The following JPH3 variants were observed in gnomAD, a reference collection of about 807,000 sequenced individuals.
The protein encoded by JPH3 is junctophilin 3, also known as junctophilin-3.
A neutral mutation model predicts 59.6 loss-of-function variants in JPH3; 11 were observed. The observed-to-expected ratio is 0.18, with a 90% CI of 0.12 to 0.31. JPH3 has a LOEUF of 0.31. Ranked by LOEUF, JPH3 falls within the 10% of genes least tolerant of loss-of-function variation. The pLI is 1.00. For synonymous variants in JPH3, 673 were observed against 483.6 expected (o/e 1.39, Z -5.14); for missense variants, 1,202 against 1,105.7 (o/e 1.09, Z -1.24).
chr16:87,674,845 C>G (rs1305931264), intron 2 of JPH3, among the ~76,000 whole-genome samples: 1 of 152,176 alleles, frequency 6.6e-6, no homozygotes, highest in African/African-American at 2.4e-5. Flanking sequence ...GCTGCAACCT[C>G]TGCCTCTTGG....
At chr16:87,656,532 G>A (rs796282964) in intron 2 of JPH3, among the ~76,000 whole-genome samples, 16 of 152,304 alleles carry the variant, frequency 1.1e-4, no homozygotes, top group African/African-American at 2.9e-4. Context: ...GCTCAGGGCC[G>A]GGCCCAGTTT....
At position 87,660,802 on chromosome 16, in the gene JPH3, G is replaced by A. The variant is rs537410664; in HGVS notation, c.1160+15767G>A. Among the ~76,000 whole-genome samples, 353 of 152,300 alleles carry A rather than the reference G, an allele frequency of 2.3e-3. 2 individuals carry two copies. The highest frequency in any genetic ancestry group is 3.7e-3 in the Non-Finnish European group (255 of 68,032). Reference sequence around the variant, plus strand: ...CTTGGGCCATCCATATAAGGCTGGAGACAAACAGCTCCACCCAGTTATGGG... The same window carrying A: ...CTTGGGCCATCCATATAAGGCTGGAAACAAACAGCTCCACCCAGTTATGGG... On this transcript the variant is annotated intron_variant, in intron 2 of 4. Coordinates refer to ENST00000284262, the MANE Select transcript of JPH3 (RefSeq NM_020655.4).
intron 1 of JPH3, among the ~76,000 whole-genome samples, chr16:87,639,627 C>T (rs372098589): frequency 1.3e-5 from 2 of 150,694 alleles, no homozygotes; most frequent in African/African-American, 2.5e-5. Flanking sequence ...CTCCTGGCCT[C>T]CCTCCTGGCC....
intron 2 of JPH3, among the ~76,000 whole-genome samples, chr16:87,678,062 G>T (rs1021736779): frequency 3.3e-5 from 5 of 151,696 alleles, no homozygotes; most frequent in African/African-American, 1.2e-4. Flanking sequence ...AATCAGCCTG[G>T]GCAACATAGT....
intron 2 of JPH3, among the ~76,000 whole-genome samples, chr16:87,671,385 C>A (rs1177885589): frequency 6.6e-6 from 1 of 152,190 alleles, no homozygotes; most frequent in Non-Finnish European, 1.5e-5. Context: ...GCTGGGCACT[C>A]CACCCACCCC....
chr16:87,671,143 C>G (rs1036577146), intron 2 of JPH3, among the ~76,000 whole-genome samples: 8 of 152,146 alleles, frequency 5.3e-5, no homozygotes, highest in Non-Finnish European at 7.4e-5. Flanking sequence ...GTTAGGGAGT[C>G]CAGCGAGACA....
intron 2 of JPH3, among the ~76,000 whole-genome samples, chr16:87,675,670 A>T (rs964819448): frequency 1.3e-5 from 2 of 152,170 alleles, no homozygotes; most frequent in Non-Finnish European, 2.9e-5. Context: ...GTCTGATTTT[A>T]TAGCAGAGTT....
rs1567583286 is a variant in JPH3 at position 87,616,217 on chromosome 16, TGTGTGTGTGTGTGTGTGTGTA to T, written c.382+12690_382+12710del. Among the ~76,000 whole-genome samples, 997 of 147,690 alleles carry T rather than the reference TGTGTGTGTGTGTGTGTGTGTA, an allele frequency of 6.8e-3. 13 individuals are homozygous for T. Among genetic ancestry groups the T allele is most frequent in the African/African-American group, 0.023 (936 of 40,182 alleles). Reference sequence around the variant, plus strand: ...GTGTGTGTGTGTGTGTGTGTGTGTGTGTGTGTGTGTGTGTGTGTGTATTTTTTTTTTTTTGAGACAGAGTCT... The same window carrying T: ...GTGTGTGTGTGTGTGTGTGTGTGTGTTTTTTTTTTTTTTGAGACAGAGTCT... On this transcript the variant is annotated intron_variant, in intron 1 of 4. Transcript: ENST00000284262.
chr16:87,652,714 A>G (rs1370131957), intron 2 of JPH3, among the ~76,000 whole-genome samples: 1 of 151,944 alleles, frequency 6.6e-6, no homozygotes, highest in East Asian at 1.9e-4. Flanking sequence ...GATGGTGCCT[A>G]CTCTCGTGAG....
chr16:87,668,739 C>G (rs553041211), intron 2 of JPH3, among the ~76,000 whole-genome samples: 1 of 152,262 alleles, frequency 6.6e-6, no homozygotes, highest in African/African-American at 2.4e-5. Context: ...TGCCCAGCTC[C>G]CAGCCCTGGT....
At chr16:87,688,553 G>C (rs754305494) in intron 3 of JPH3, among the ~76,000 whole-genome samples, 14 of 151,956 alleles carry the variant, frequency 9.2e-5, no homozygotes, top group Non-Finnish European at 1.3e-4. Flanking sequence ...CCGAGCGTGA[G>C]AGACTCTAAG....
intron 2 of JPH3, among the ~76,000 whole-genome samples, chr16:87,659,531 G>A (rs926313367): frequency 6.6e-6 from 1 of 151,890 alleles, no homozygotes; most frequent in Non-Finnish European, 1.5e-5. Flanking sequence ...GGACCAGTCT[G>A]GGCCAACATG....
At chr16:87,628,890 G>C (rs1424260856) in intron 1 of JPH3, among the ~76,000 whole-genome samples, 4 of 152,188 alleles carry the variant, frequency 2.6e-5, no homozygotes, top group Non-Finnish European at 4.4e-5. Flanking sequence ...TGTGCTCCCA[G>C]TGGACAGAGT....
intron 1 of JPH3, among the ~76,000 whole-genome samples, chr16:87,637,336 G>A (rs1461291467): frequency 6.6e-6 from 1 of 151,998 alleles, no homozygotes; most frequent in Non-Finnish European, 1.5e-5. Context: ...AGCCATTCCT[G>A]CTCCTCCCCG....
chr16:87,644,209 C>G (rs1249766317), intron 1 of JPH3, 49 bp from the exon 2 acceptor site: 1 of 1,546,372 alleles, frequency 6.5e-7, no homozygotes, highest in South Asian at 1.2e-5. Context: ...CCAGGCTGTG[C>G]CCCCTCCTCT....
chr16:87,675,313 G>A (rs934540399), intron 2 of JPH3, among the ~76,000 whole-genome samples: 1 of 151,992 alleles, frequency 6.6e-6, no homozygotes. Context: ...CTTCCTTTGG[G>A]CTGATGCTGA....
At chr16:87,619,082 T>C (rs2031075317) in intron 1 of JPH3, among the ~76,000 whole-genome samples, 1 of 77,390 alleles carries the variant, frequency 1.3e-5, no homozygotes, top group Non-Finnish European at 2.6e-5. Context: ...AGTAAGACTC[T>C]GTCTCAAAAA....
At chr16:87,661,585 C>T (rs564065091) in intron 2 of JPH3, among the ~76,000 whole-genome samples, 11 of 152,276 alleles carry the variant, frequency 7.2e-5, no homozygotes, top group South Asian at 2.1e-4. Context: ...ATGAAACAGC[C>T]GAGGGTCTGA....
At chr16:87,616,149 G>A (rs1309787270) in intron 1 of JPH3, among the ~76,000 whole-genome samples, 4 of 151,612 alleles carry the variant, frequency 2.6e-5, no homozygotes, top group South Asian at 2.1e-4. Context: ...GCCCGGGAAC[G>A]ACATTGTCTG....
Sources: gnomAD v4.1 joint callset for allele counts (sites outside exome capture counted in the v4.1 genomes callset) on GRCh38, gnomAD v4.1.1 for gene constraint, MANE v1.5 for transcripts, NCBI Gene and HGNC (gene_info 2026-07-23, HGNC 2026-07-21) for gene names.